BTRC: variants seen among roughly 807,000 people sequenced by gnomAD.
The protein encoded by BTRC is F-box/WD repeat-containing protein 1A.
Under a neutral mutation model 85.5 loss-of-function variants are expected in BTRC, and 42 were observed. That is an observed-to-expected ratio of 0.49 (90% confidence interval 0.38 to 0.64). The LOEUF is 0.64. BTRC is among the 30% of genes least tolerant of loss of function. BTRC has a pLI of 0.00. For missense variants in BTRC, 594 were observed against 743.5 expected (o/e 0.80, Z 2.34); for synonymous variants, 255 against 263.3 (o/e 0.97, Z 0.30).
chr10:101,436,506 A>G lies in BTRC; in HGVS notation c.156+6054A>G, dbSNP rs1388270868. 2.0e-5 allele frequency among the ~76,000 whole-genome samples: 3 copies of G among 152,118 alleles called. No homozygotes were observed. The East Asian group carries it at 5.8e-4, about 29-fold the overall frequency. On this transcript the variant is annotated intron_variant, in intron 2 of 14. Coordinates refer to ENST00000370187, the MANE Select transcript of BTRC (RefSeq NM_033637.4). ...CAAAAAATTAGCTGGGTGTGGTGGT[A>G]CTCACCTGTCCCAGCTATCTGGAAG...
intron 2 of BTRC, among the ~76,000 whole-genome samples, chr10:101,444,055 A>T (rs1944761235): frequency 6.6e-6 from 1 of 152,164 alleles, no homozygotes; most frequent in African/African-American, 2.4e-5. Flanking sequence ...TGATTTATTG[A>T]GCTAGAGGTC....
chr10:101,406,539 T>TC (rs1479148422), intron 1 of BTRC, among the ~76,000 whole-genome samples: 4 of 132,844 alleles, frequency 3.0e-5, no homozygotes, highest in Non-Finnish European at 6.5e-5. Flanking sequence ...TTTTTTTTTT[T>TC]TTTTTTTTTT....
chr10:101,424,173 G>T (rs1173401664), intron 1 of BTRC, among the ~76,000 whole-genome samples: 1 of 152,234 alleles, frequency 6.6e-6, no homozygotes, highest in African/African-American at 2.4e-5. Context: ...GGCGGAGGTT[G>T]CAGTGAGCCG....
chr10:101,470,997 G>A (rs974573040), intron 3 of BTRC, among the ~76,000 whole-genome samples: 1 of 152,102 alleles, frequency 6.6e-6, no homozygotes, highest in African/African-American at 2.4e-5. Context: ...AGTGCCTAAG[G>A]TACTGACCCA....
At chr10:101,398,891 T>C (rs915083407) in intron 1 of BTRC, among the ~76,000 whole-genome samples, 4 of 152,214 alleles carry the variant, frequency 2.6e-5, no homozygotes, top group Admixed American at 2.0e-4. Flanking sequence ...CTGTATACAT[T>C]GCCTGGTTTT....
intron 13 of BTRC, among the ~76,000 whole-genome samples, chr10:101,543,669 A>G (rs1383983601): frequency 6.8e-6 from 1 of 147,708 alleles, no homozygotes; most frequent in Non-Finnish European, 1.5e-5. Flanking sequence ...TCTTAGTTAT[A>G]TCTCACTAAT....
At chr10:101,477,101 C>CG (rs1341328126) in intron 3 of BTRC, among the ~76,000 whole-genome samples, 1 of 152,102 alleles carries the variant, frequency 6.6e-6, no homozygotes, top group Non-Finnish European at 1.5e-5. Flanking sequence ...CTCAGCCTCC[C>CG]GAGTAGCTGG....
chr10:101,455,135 CA>C (rs1305564255), intron 2 of BTRC, among the ~76,000 whole-genome samples: 1 of 151,748 alleles, frequency 6.6e-6, no homozygotes, highest in Non-Finnish European at 1.5e-5. Context: ...GATTACACCC[CA>C]AACTCCTGGG....
intron 4 of BTRC, among the ~76,000 whole-genome samples, chr10:101,515,605 G>A (rs2062013462): frequency 6.6e-6 from 1 of 151,274 alleles, no homozygotes; most frequent in African/African-American, 2.4e-5. Flanking sequence ...TCCACCTCCC[G>A]GGTTCAAGTG....
chr10:101,411,155 C>G (rs1039145641), intron 1 of BTRC, among the ~76,000 whole-genome samples: 2 of 151,928 alleles, frequency 1.3e-5, no homozygotes, highest in African/African-American at 4.8e-5. Flanking sequence ...GCCCCTACGC[C>G]TGGCTATTTT....
Position 101,550,293 on chromosome 10 carries a change from A to T in BTRC, c.1657-406A>T, listed in dbSNP as rs572216378. Among the ~76,000 whole-genome samples, 128 of 147,888 alleles carry T rather than the reference A, an allele frequency of 8.7e-4. 1 individual carries two copies. In the East Asian group the frequency reaches 0.017, roughly 20 times the overall value. On this transcript the variant is annotated intron_variant, in intron 13 of 14. Transcript: ENST00000370187. The stretch of plus-strand genomic sequence containing the variant: ...TTTTTAATTTATTTATTTTTATTTT[A>T]TTTTTTTTTTAGACAGAGTCTCACT...
At chr10:101,389,368 G>A (rs10883634) in intron 1 of BTRC, among the ~76,000 whole-genome samples, 54,332 of 151,556 alleles carry the variant, frequency 0.36, 10,883 homozygotes, top group Middle Eastern at 0.48. Context: ...TTATGGAAAA[G>A]TTTAACAGTT....
Position 101,508,879 on chromosome 10 carries a change from A to G in BTRC, c.325-12760A>G, listed in dbSNP as rs184536639. On this transcript the variant is annotated intron_variant, in intron 4 of 14. Coordinates refer to ENST00000370187, the MANE Select transcript of BTRC (RefSeq NM_033637.4). Reference sequence around the variant, plus strand: ...CAGTGAGCCAAGATTGTGCCACTGCACTCCAGTCTGGGCAACAATGCAAGA... The same window carrying G: ...CAGTGAGCCAAGATTGTGCCACTGCGCTCCAGTCTGGGCAACAATGCAAGA... 2.8e-5 allele frequency among the ~76,000 whole-genome samples: 4 copies of G among 141,740 alleles called. No homozygotes were observed. The East Asian group carries it at 8.7e-4, about 31-fold the overall frequency. The allele number at this position is 141,740 out of a possible 152,430, so 93.0% of individuals were successfully genotyped here.
intron 1 of BTRC, among the ~76,000 whole-genome samples, chr10:101,426,792 C>A (rs948508373): frequency 2.6e-5 from 4 of 152,108 alleles, no homozygotes; most frequent in African/African-American, 9.7e-5. Context: ...TGAAAGGGTT[C>A]TGGTTGGTTT....
chr10:101,524,668 A>G (rs2134383215), intron 5 of BTRC, among the ~76,000 whole-genome samples: 1 of 152,278 alleles, frequency 6.6e-6, no homozygotes, highest in South Asian at 2.1e-4. Context: ...AAAACACAGG[A>G]CTGCATTTTG....
chr10:101,446,069 A>G, intron 2 of BTRC, among the ~76,000 whole-genome samples: 1 of 152,020 alleles, frequency 6.6e-6, no homozygotes, highest in East Asian at 1.9e-4. Flanking sequence ...GCCTGGAGAA[A>G]AAATTCAGCA....
intron 3 of BTRC, among the ~76,000 whole-genome samples, chr10:101,465,003 AT>A (rs902827625): frequency 6.6e-6 from 1 of 151,968 alleles, no homozygotes; most frequent in African/African-American, 2.4e-5. Flanking sequence ...CCCATTGCTG[AT>A]TTTTTTTAAG....
chr10:101,544,150 C>G (rs1053902393), intron 13 of BTRC, among the ~76,000 whole-genome samples: 17 of 152,152 alleles, frequency 1.1e-4, no homozygotes, highest in Non-Finnish European at 2.4e-4. Context: ...ACCTCGTGAT[C>G]CGCCCGCCTC....
At chr10:101,370,728 A>G (rs1320545298) in intron 1 of BTRC, among the ~76,000 whole-genome samples, 5 of 150,152 alleles carry the variant, frequency 3.3e-5, no homozygotes, top group Non-Finnish European at 5.9e-5. Flanking sequence ...ACCACCAAAC[A>G]TCGGCTAATT....
Sources: gnomAD v4.1 joint callset for allele counts (sites outside exome capture counted in the v4.1 genomes callset) on GRCh38, gnomAD v4.1.1 for gene constraint, MANE v1.5 for transcripts, NCBI Gene and HGNC (gene_info 2026-07-23, HGNC 2026-07-21) for gene names.